RSF1: variants seen among roughly 807,000 people sequenced by gnomAD.
The protein encoded by RSF1 is HBV pX-associated protein 8.
A neutral mutation model predicts 145.2 loss-of-function variants in RSF1; 13 were observed. The ratio of observed to expected loss-of-function variants is 0.09; its 90% confidence interval spans 0.06 to 0.14. The LOEUF is 0.14. Ranked by LOEUF, RSF1 falls within the 10% of genes least tolerant of loss-of-function variation. RSF1 has a pLI of 1.00. For missense variants in RSF1, 1,517 were observed against 1,718.2 expected (o/e 0.88, Z 2.07); for synonymous variants, 577 against 592.6 (o/e 0.97, Z 0.38).
intron 3 of RSF1, among the ~76,000 whole-genome samples, chr11:77,745,056 A>AT (rs60046917): frequency 0.18 from 27,460 of 151,838 alleles, 3,152 homozygotes; most frequent in African/African-American, 0.31. Context: ...GTATATATCC[A>AT]TTTTTTTCTA....
At chr11:77,786,698 A>C (rs1948460013) in intron 1 of RSF1, among the ~76,000 whole-genome samples, 1 of 152,176 alleles carries the variant, frequency 6.6e-6, no homozygotes, top group Non-Finnish European at 1.5e-5. Context: ...TGGTGGGCTC[A>C]CCCTCCTGCC....
chr11:77,806,558 G>A (rs990913687), intron 1 of RSF1, among the ~76,000 whole-genome samples: 1 of 151,790 alleles, frequency 6.6e-6, no homozygotes, highest in Non-Finnish European at 1.5e-5. Flanking sequence ...AGGGGCACAA[G>A]TAGTGCTAGC....
rs531238226 is a variant in RSF1, at chr11:77,747,273, T to A, written c.280-145A>T. On this transcript the variant is annotated intron_variant, in intron 2 of 15. Coordinates refer to ENST00000308488, the MANE Select transcript of RSF1 (RefSeq NM_016578.4). ...AGTCCAATCCAACTGCACCCTAAAA[T>A]GCATACTACTTAAAATGATAAAAAA... 16 of 531,366 alleles carry A rather than the reference T, an allele frequency of 3.0e-5. No individual in the cohort carries two copies. The East Asian group carries it at 5.2e-4, about 17-fold the overall frequency. 32.9% of individuals were successfully genotyped at this position (531,366 alleles called of 1,614,324 possible).
At chr11:77,829,644 A>G in the RSF1 span, 120 of 152,368 alleles carry the variant, frequency 7.9e-4, no homozygotes, top group African/African-American at 2.7e-3. Context: ...ACCTGAAACT[A>G]AAACTCTTAG....
At chr11:77,778,068 A>G in intron 1 of RSF1, among the ~76,000 whole-genome samples, 1 of 111,134 alleles carries the variant, frequency 9.0e-6, no homozygotes, top group African/African-American at 3.6e-5. Context: ...AGAGTTTGAG[A>G]GCAGCCTAGG....
upstream of RSF1, among the ~76,000 whole-genome samples, chr11:77,823,042 GTC>G (rs1241241842): frequency 6.6e-6 from 1 of 151,770 alleles, no homozygotes; most frequent in Admixed American, 6.6e-5. Flanking sequence ...GGTGAAACCC[GTC>G]TCTACTAAAA....
rs112481534 is a variant in RSF1 at position 77,690,161 on chromosome 11, C to CAA, written c.2900+996_2900+997dup. On this transcript the variant is annotated intron_variant, in intron 9 of 15. Coordinates refer to ENST00000308488, the MANE Select transcript of RSF1 (RefSeq NM_016578.4). ...TGGGCAACAGAGCGAGACTCCATCTCAAAAAAAAAAAAAAAAAAACAAAAA... is the reference window on the plus strand; with the variant it reads ...TGGGCAACAGAGCGAGACTCCATCTCAAAAAAAAAAAAAAAAAAAAACAAAAA... 8.2e-3 allele frequency among the ~76,000 whole-genome samples: 728 copies of CAA among 88,358 alleles called. 7 individuals are homozygous for CAA. The highest frequency in any genetic ancestry group is 0.014 in the Middle Eastern group (2 of 142). 58.0% of individuals were successfully genotyped at this position (88,358 alleles called of 152,430 possible). A position where few individuals can be genotyped will look rare whatever the true frequency, so the allele number is the denominator to read the frequency against.
chr11:77,697,735 G>T (rs989804634), intron 7 of RSF1, among the ~76,000 whole-genome samples: 1 of 151,324 alleles, frequency 6.6e-6, no homozygotes, highest in Non-Finnish European at 1.5e-5. Context: ...TATAGCAGGT[G>T]TATATATTTA....
At chr11:77,690,161 C>CAAAAAAAAA (rs112481534) in intron 9 of RSF1, among the ~76,000 whole-genome samples, 6 of 88,584 alleles carry the variant, frequency 6.8e-5, no homozygotes, top group Non-Finnish European at 7.8e-5. Flanking sequence ...GACTCCATCT[C>CAAAAAAAAA]AAAAAAAAAA....
intron 1 of RSF1, among the ~76,000 whole-genome samples, chr11:77,820,078 C>A (rs1227031130): frequency 6.6e-6 from 1 of 152,140 alleles, no homozygotes; most frequent in Non-Finnish European, 1.5e-5. Flanking sequence ...CAGCCTTCCC[C>A]GAGATGGTCG....
intron 7 of RSF1, among the ~76,000 whole-genome samples, chr11:77,694,798 A>C (rs536719757): frequency 1.3e-5 from 2 of 152,300 alleles, no homozygotes; most frequent in East Asian, 3.9e-4. Context: ...TAGTATCCCC[A>C]GTACGTAACC....
chr11:77,829,580 CT>C, the RSF1 span: 5 of 152,182 alleles, frequency 3.3e-5, no homozygotes, highest in Admixed American at 2.6e-4. Context: ...AGTTGAACCC[CT>C]AATTCATTCC....
At chr11:77,783,229 T>C (rs1263141026) in intron 1 of RSF1, among the ~76,000 whole-genome samples, 1 of 152,246 alleles carries the variant, frequency 6.6e-6, no homozygotes, top group East Asian at 1.9e-4. Context: ...AGAGCTTTCA[T>C]GTTTCACTTC....
At chr11:77,789,497 G>A (rs1011886714) in intron 1 of RSF1, among the ~76,000 whole-genome samples, 2 of 152,196 alleles carry the variant, frequency 1.3e-5, no homozygotes, top group African/African-American at 4.8e-5. Flanking sequence ...CTCTGTCAGG[G>A]TTGAAGCATG....
intron 1 of RSF1, among the ~76,000 whole-genome samples, chr11:77,782,309 G>A (rs913660702): frequency 1.3e-5 from 2 of 152,112 alleles, no homozygotes; most frequent in Admixed American, 6.5e-5. Flanking sequence ...GGGAGGCTGA[G>A]GCAGGCAGAT....
At chr11:77,846,663 G>A in the RSF1 span, among the ~76,000 whole-genome samples, 11 of 152,278 alleles carry the variant, frequency 7.2e-5, no homozygotes, top group East Asian at 1.9e-4. Flanking sequence ...CCAAGATTGC[G>A]CCATTGCACT....
At chr11:77,764,568 T>C (rs753198244) in intron 2 of RSF1, 30 bp downstream of exon 2, 3 of 1,167,322 alleles carry the variant, frequency 2.6e-6, no homozygotes, top group Admixed American at 1.8e-5. Context: ...ATTTCAGTAA[T>C]AGAGCAGGAA....
At chr11:77,858,431 C>T in the RSF1 span, among the ~76,000 whole-genome samples, 9 of 142,804 alleles carry the variant, frequency 6.3e-5, no homozygotes, top group African/African-American at 1.3e-4. Flanking sequence ...TGCTCTCAGG[C>T]GATAGATGAT....
intron 1 of RSF1, among the ~76,000 whole-genome samples, chr11:77,779,177 C>T (rs1392675515): frequency 6.6e-6 from 1 of 151,740 alleles, no homozygotes; most frequent in African/African-American, 2.4e-5. Context: ...CTCCTGACCT[C>T]AGGTGATCCA....
Sources: gnomAD v4.1 joint callset for allele counts (sites outside exome capture counted in the v4.1 genomes callset) on GRCh38, gnomAD v4.1.1 for gene constraint, MANE v1.5 for transcripts, NCBI Gene and HGNC (gene_info 2026-07-23, HGNC 2026-07-21) for gene names.